Variants in TTC23L observed in about 807,000 individuals in gnomAD.
The protein encoded by TTC23L is tetratricopeptide repeat domain 23 like.
Under a neutral mutation model 48.1 loss-of-function variants are expected in TTC23L, and 42 were observed. That is an observed-to-expected ratio of 0.87 (90% CI 0.68 to 1.13). The LOEUF (loss-of-function observed/expected upper bound fraction) is 1.13. Ranked by LOEUF, TTC23L falls within the 50% of genes most tolerant of loss-of-function variation. The probability of loss-of-function intolerance (pLI) is 0.00; values close to 1 mark genes in which losing one functional copy is unlikely to be tolerated. For synonymous variants in TTC23L, 159 were observed against 157.2 expected (o/e 1.01, Z -0.09); for missense variants, 391 against 421.0 (o/e 0.93, Z 0.62).
At chr5:34,868,718 CACTT>C in intron 7 of TTC23L, 183 bp from the exon 8 acceptor site, 1 of 555,912 alleles carries the variant, frequency 1.8e-6, no homozygotes, top group Non-Finnish European at 3.3e-6. Context: ...TATACCATCT[CACTT>C]AATCCTTCCC....
the TTC23L span, chr5:34,918,441 G>C: frequency 6.2e-7 from 1 of 1,609,366 alleles, no homozygotes; most frequent in Non-Finnish European, 8.5e-7. Context: ...ATTTAATGCA[G>C]GACTTGAGAA....
chr5:34,849,790 T>A (rs1180197787), intron 3 of TTC23L, among the ~76,000 whole-genome samples: 8 of 152,186 alleles, frequency 5.3e-5, no homozygotes, highest in Non-Finnish European at 1.2e-4. Context: ...AGATCACTGA[T>A]CACGCTACAT....
intron 10 of TTC23L, among the ~76,000 whole-genome samples, chr5:34,898,345 G>T (rs1027547161): frequency 8.5e-5 from 13 of 152,112 alleles, no homozygotes; most frequent in Non-Finnish European, 8.8e-5. Flanking sequence ...TCAGGTTCTG[G>T]AAACACTGTT....
At chr5:34,907,753 A>C in the TTC23L span, 2 of 152,244 alleles carry the variant, frequency 1.3e-5, no homozygotes, top group East Asian at 3.8e-4. Flanking sequence ...GATCTCTTCA[A>C]AAGGTCTACT....
At chr5:34,880,252 A>G (rs1319000859) in exon 9 of TTC23L, 1 of 1,613,646 alleles carries the variant, frequency 6.2e-7, no homozygotes, top group East Asian at 2.2e-5. Context: ...GGATTTTGAA[A>G]CACTGAGCAC....
At chr5:34,878,787 T>C (rs1762030892) in intron 8 of TTC23L, among the ~76,000 whole-genome samples, 1 of 152,178 alleles carries the variant, frequency 6.6e-6, no homozygotes, top group South Asian at 2.1e-4. Flanking sequence ...AGTACGGAGA[T>C]TTCTCAAATA....
chr5:34,905,516 T>G, the TTC23L span: 1 of 152,096 alleles, frequency 6.6e-6, no homozygotes, highest in South Asian at 2.1e-4. Flanking sequence ...AACAAATACT[T>G]TTATTATTTT....
intron 3 of TTC23L, among the ~76,000 whole-genome samples, chr5:34,847,615 A>G (rs1012557634): frequency 1.3e-5 from 2 of 152,240 alleles, no homozygotes; most frequent in Non-Finnish European, 2.9e-5. Flanking sequence ...CTCCAAGTCA[A>G]GGAGTTCGAG....
the TTC23L span, chr5:34,909,453 T>C: frequency 3.8e-6 from 3 of 783,526 alleles, no homozygotes; most frequent in Non-Finnish European, 6.3e-6. Context: ...TTCATACTAG[T>C]GGGTGAAACA....
chr5:34,915,512 G>C, the TTC23L span: 1 of 483,688 alleles, frequency 2.1e-6, no homozygotes, highest in South Asian at 3.3e-5. Context: ...AGTGAAGCCA[G>C]TCCCGCCACT....
chr5:34,894,417 A>G (rs929833572), intron 9 of TTC23L, among the ~76,000 whole-genome samples: 3 of 152,186 alleles, frequency 2.0e-5, no homozygotes, highest in Non-Finnish European at 4.4e-5. Flanking sequence ...AAAAATATGA[A>G]AAGTACACAT....
chr5:34,877,361 CTTTTTT>C (rs796888113), intron 8 of TTC23L, among the ~76,000 whole-genome samples: 173 of 121,094 alleles, frequency 1.4e-3, no homozygotes, highest in African/African-American at 4.9e-3. Context: ...CACCATTGTT[CTTTTTT>C]TTTTTTTTTT....
At chr5:34,912,094 A>G in the TTC23L span, among the ~76,000 whole-genome samples, 599 of 152,330 alleles carry the variant, frequency 3.9e-3, 2 homozygotes, top group African/African-American at 0.014. Context: ...TTGATTTTAT[A>G]TATGTACAAT....
chr5:34,845,527 G>A (rs745472103), exon 3 of TTC23L: 42 of 1,613,856 alleles, frequency 2.6e-5, no homozygotes, highest in Non-Finnish European at 3.5e-5. Context: ...GCAAACAGAT[G>A]AGTTGTATCC....
rs1202040687 is a variant in TTC23L at position 34,868,892 on chromosome 5, T to G, written c.841-13T>G. The G allele has an allele frequency of 3.8e-6, 6 of 1,591,710 alleles. No individual in the cohort carries two copies. Among genetic ancestry groups the G allele is most frequent in the Non-Finnish European group, 5.1e-6 (6 of 1,168,216 alleles). ...ATTGGGTGCTTACCTTGTCATGATT[T>G]TCTTTATTCCAGGCTCATTCTGTCT... On this transcript the variant is annotated splice_polypyrimidine_tract_variant and intron_variant, in intron 7 of 10. Coordinates refer to ENST00000505624, the Ensembl canonical transcript of TTC23L.
chr5:34,873,673 T>A (rs934104189), intron 8 of TTC23L, among the ~76,000 whole-genome samples: 7 of 152,162 alleles, frequency 4.6e-5, no homozygotes, highest in African/African-American at 1.7e-4. Flanking sequence ...GCATCAGAAA[T>A]TTTAATGGGG....
At chr5:34,890,441 CAA>C (rs57798773) in intron 9 of TTC23L, among the ~76,000 whole-genome samples, 186 of 56,656 alleles carry the variant, frequency 3.3e-3, no homozygotes, top group Non-Finnish European at 4.3e-3. Context: ...GACCCTGTCT[CAA>C]AAAAAAAAAA....
the TTC23L span, among the ~76,000 whole-genome samples, chr5:34,912,370 A>C: frequency 3.9e-4 from 59 of 152,352 alleles, no homozygotes; most frequent in African/African-American, 1.3e-3. Context: ...AAACCACTAG[A>C]GGGAAGGAGG....
the TTC23L span, among the ~76,000 whole-genome samples, chr5:34,912,815 T>C: frequency 1.2e-3 from 179 of 152,166 alleles, no homozygotes; most frequent in African/African-American, 4.2e-3. Flanking sequence ...GCCTGGCTAA[T>C]ATGGTGAAAC....
Sources: allele counts gnomAD v4.1 joint callset (sites outside exome capture counted in the v4.1 genomes callset), GRCh38; gene constraint gnomAD v4.1.1; transcripts MANE v1.5; gene names NCBI Gene and HGNC (gene_info 2026-07-23, HGNC 2026-07-21).